CNNM4: variants seen among roughly 807,000 people sequenced by gnomAD.
CNNM4 encodes the protein cyclin and CBS domain divalent metal cation transport mediator 4.
CNNM4 carries 32 observed loss-of-function variants against 53.7 expected under a neutral mutation model. The ratio of observed to expected loss-of-function variants is 0.60; its 90% CI spans 0.45 to 0.80. CNNM4 has a LOEUF of 0.80. Ranked by LOEUF, CNNM4 falls within the 30% of genes least tolerant of loss-of-function variation. The pLI, the probability that CNNM4 is intolerant of heterozygous loss-of-function variation, is 0.00. For missense variants in CNNM4, 784 were observed against 1,022.0 expected, an observed-to-expected ratio of 0.77 and a Z score of 3.17; for synonymous variants, 410 against 440.0, an observed-to-expected ratio of 0.93 and a Z score of 0.85.
At position 96,761,033 on chromosome 2, in the gene CNNM4, G is replaced by A; in HGVS notation, c.34G>A (p.Gly12Ser). Reference sequence around the variant, plus strand: ...GGTGGGCGGGGGCGGGCGCCCGGTCGGCGGACCGGCCCGCGGGCGCCTCCT... The same window carrying A: ...GGTGGGCGGGGGCGGGCGCCCGGTCAGCGGACCGGCCCGCGGGCGCCTCCT... ...APVGGGGRPV[G>S]GPARGRLLLA... Residue 12 changes from glycine to serine, a missense_variant, in exon 1 of 7, where the codon GGC becomes AGC. By Grantham distance (56) the Gly-to-Ser change is moderately conservative. This residue lies in a region of CNNM4 where 473 missense variants were observed against 624.6 expected (regional missense o/e 0.76). Transcript: ENST00000377075. The surrounding 1 kb of genome is among the most constrained non-coding windows in gnomAD (Gnocchi z 6.0). 3 of 1,215,892 alleles carry A rather than the reference G, an allele frequency of 2.5e-6. No individual in the cohort carries two copies. Among genetic ancestry groups the A allele is most frequent in the Non-Finnish European group, 3.1e-6 (3 of 974,922 alleles). The allele number at this position is 1,215,892 out of a possible 1,614,324, so 75.3% of individuals were successfully genotyped here.
chr2:96,778,915 A>G (rs1342838118), intron 1 of CNNM4, among the ~76,000 whole-genome samples: 1 of 151,952 alleles, frequency 6.6e-6, no homozygotes, highest in Non-Finnish European at 1.5e-5. Flanking sequence ...GACCTTATCT[A>G]CTGTCTAAGT....
At position 96,760,993 on chromosome 2, in the gene CNNM4, G is replaced by A. The variant is rs1359364383; in HGVS notation, c.-7G>A. The A allele has an allele frequency of 1.8e-6, 2 of 1,126,780 alleles. No homozygotes were observed. Among genetic ancestry groups the A allele is most frequent in the Non-Finnish European group, 2.2e-6 (2 of 921,188 alleles). The allele number at this position is 1,126,780 out of a possible 1,614,324, so 69.8% of individuals were successfully genotyped here. A position where few individuals can be genotyped will look rare whatever the true frequency, so the allele number is the denominator to read the frequency against. On this transcript the variant is annotated 5_prime_UTR_variant, in exon 1 of 7. Coordinates refer to ENST00000377075, the MANE Select transcript of CNNM4 (RefSeq NM_020184.4). ...GGGAGCGGCGGCGGCGGCAGAGCCA[G>A]AGCAACATGGCGCCGGTGGGCGGGG... is the stretch of plus-strand genomic sequence containing the variant.
In CNNM4 at chr2:96,810,430, AG is replaced by A. The variant is rs1299324026; in HGVS notation, c.*916del. 2.6e-5 allele frequency: 4 copies of A among 152,568 alleles called. No individual in the cohort carries two copies. Among genetic ancestry groups the A allele is most frequent in the Non-Finnish European group, 5.9e-5 (4 of 68,078 alleles). The allele number at this position is 152,568 out of a possible 1,614,324, so 9.5% of individuals were successfully genotyped here. ...TTACCAAAGGTTCTCCCTCGGCGGG[AG>A]GGCATCTGTGTTGGAGGTGATTTGT... On this transcript the variant is annotated 3_prime_UTR_variant, in exon 7 of 7. Coordinates refer to ENST00000377075, the MANE Select transcript of CNNM4 (RefSeq NM_020184.4). This position sits in a 1 kb window ranked among gnomAD's most constrained non-coding sequence, Gnocchi z 4.1.
At chr2:96,779,317 T>A (rs1222287694) in intron 1 of CNNM4, among the ~76,000 whole-genome samples, 1 of 152,044 alleles carries the variant, frequency 6.6e-6, no homozygotes, top group Non-Finnish European at 1.5e-5. Context: ...GAGACTAGCC[T>A]GGGCAACATG....
At chr2:96,777,579 C>T (rs1006160271) in intron 1 of CNNM4, among the ~76,000 whole-genome samples, 1 of 151,982 alleles carries the variant, frequency 6.6e-6, no homozygotes, top group African/African-American at 2.4e-5. Flanking sequence ...TGGCTCACTG[C>T]AACCTCCACC....
chr2:96,762,292 C>T lies in CNNM4; in HGVS notation c.1293C>T (p.Asp431=), dbSNP rs137897277. 6 of 1,614,124 alleles carry T rather than the reference C, an allele frequency of 3.7e-6. No individual in the cohort carries two copies. Among genetic ancestry groups the T allele is most frequent in the Middle Eastern group, 3.3e-4 (2 of 6,062 alleles). Residue 431 remains aspartate (D), a synonymous_variant, in exon 1 of 7, where the codon GAC becomes GAT. Transcript: ENST00000377075. Reference sequence around the variant, plus strand: ...ACGTCAAAGACTTGGCCTTTGTGGACCCCGATGACTGCACCCCCCTCAAGA... The same window carrying T: ...ACGTCAAAGACTTGGCCTTTGTGGATCCCGATGACTGCACCCCCCTCAAGA... ...ILYVKDLAFV[D]PDDCTPLKTI... is the part of the protein sequence containing the mutation.
chr2:96,787,829 C>A (rs1324330721), intron 1 of CNNM4, among the ~76,000 whole-genome samples: 1 of 152,164 alleles, frequency 6.6e-6, no homozygotes, highest in Non-Finnish European at 1.5e-5. Flanking sequence ...CACTGTACTG[C>A]AGCCTGGGTG....
chr2:96,786,287 T>C (rs1273060150), intron 1 of CNNM4, among the ~76,000 whole-genome samples: 1 of 150,090 alleles, frequency 6.7e-6, no homozygotes, highest in East Asian at 2.0e-4. Flanking sequence ...AATGGTGGCA[T>C]GCTCCTGTAA....
Position 96,783,905 on chromosome 2 carries a change from G to A in CNNM4, c.1403-13107G>A, listed in dbSNP as rs373400059. Among the ~76,000 whole-genome samples the A allele has an allele frequency of 2.8e-4, 43 of 152,170 alleles. 1 individual carries two copies. In the South Asian group the frequency reaches 3.7e-3, roughly 13 times the overall value. On this transcript the variant is annotated intron_variant, in intron 1 of 6. Transcript: ENST00000377075. ...GAATGTAAAGAATTTAAAAAGCAGC[G>A]TACAAAACAATATATGTGATCCAAT...
chr2:96,810,451 A>T lies in CNNM4; in HGVS notation c.*934A>T, dbSNP rs575534145. 6.6e-6 allele frequency: 1 copy of T among 152,644 alleles called. No individual in the cohort carries two copies. The highest frequency in any genetic ancestry group is 2.1e-4 in the South Asian group (1 of 4,824). 9.5% of individuals were successfully genotyped at this position (152,644 alleles called of 1,614,324 possible). On this transcript the variant is annotated 3_prime_UTR_variant, in exon 7 of 7. Coordinates refer to ENST00000377075, the MANE Select transcript of CNNM4 (RefSeq NM_020184.4). This position sits in a 1 kb window ranked among gnomAD's most constrained non-coding sequence, Gnocchi z 4.1. ...CGGGAGGGCATCTGTGTTGGAGGTGATTTGTCTGGGTTCTTCCTTTTGGTT... is the reference window on the plus strand; with the variant it reads ...CGGGAGGGCATCTGTGTTGGAGGTGTTTTGTCTGGGTTCTTCCTTTTGGTT...
At chr2:96,789,271 C>G (rs943600235) in intron 1 of CNNM4, among the ~76,000 whole-genome samples, 2 of 152,188 alleles carry the variant, frequency 1.3e-5, no homozygotes, top group African/African-American at 4.8e-5. Flanking sequence ...GGCTAACACC[C>G]AGGGCTAACG....
At chr2:96,802,001 G>A (rs1373065839) in intron 5 of CNNM4, among the ~76,000 whole-genome samples, 1 of 137,988 alleles carries the variant, frequency 7.2e-6, no homozygotes, top group Non-Finnish European at 1.6e-5. Flanking sequence ...ACACACCCAT[G>A]GACACACACA....
chr2:96,807,238 G>T (rs2079217474), intron 5 of CNNM4, among the ~76,000 whole-genome samples: 1 of 152,056 alleles, frequency 6.6e-6, no homozygotes, highest in African/African-American at 2.4e-5. Flanking sequence ...CTTGAACTCC[G>T]GCTCAAGCAA....
At chr2:96,768,347 G>A (rs1010433870) in intron 1 of CNNM4, among the ~76,000 whole-genome samples, 4 of 150,494 alleles carry the variant, frequency 2.7e-5, no homozygotes, top group African/African-American at 9.8e-5. Flanking sequence ...TGTGCAGGCT[G>A]TTGGGAATCA....
chr2:96,761,285 G>C lies in CNNM4; in HGVS notation c.286G>C (p.Val96Leu), dbSNP rs754378710. 2.5e-6 allele frequency: 4 copies of C among 1,614,032 alleles called. No homozygotes were observed. The highest frequency in any genetic ancestry group is 3.4e-6 in the Non-Finnish European group (4 of 1,180,026). The stretch of plus-strand genomic sequence containing the variant: ...CAGCAACCTGATCTCCTTCACCGAG[G>C]TGGACGATGCCGAGACCCTCCACAA... ...ISSNLISFTE[V>L]DDAETLHKST... is the part of the protein sequence containing the mutation. The change falls in exon 1 of 7, where the codon GTG becomes CTG. Residue 96 changes from valine to leucine, a missense_variant. By Grantham distance (32) the Val-to-Leu change is conservative. This residue lies in a region of CNNM4 where 473 missense variants were observed against 624.6 expected (regional missense o/e 0.76). Coordinates refer to ENST00000377075, the MANE Select transcript of CNNM4 (RefSeq NM_020184.4). This position sits in a 1 kb window ranked among gnomAD's most constrained non-coding sequence, Gnocchi z 6.0.
At chr2:96,802,261 A>G (rs2079166636) in intron 5 of CNNM4, among the ~76,000 whole-genome samples, 2 of 152,152 alleles carry the variant, frequency 1.3e-5, no homozygotes. Context: ...ACACATGCAC[A>G]CCCAGAGGAT....
chr2:96,761,773 A>C lies in CNNM4; in HGVS notation c.774A>C (p.Thr258=). 1.2e-6 allele frequency: 2 copies of C among 1,612,468 alleles called. No individual in the cohort carries two copies. Among genetic ancestry groups the C allele is most frequent in the East Asian group, 4.5e-5 (2 of 44,856 alleles). The change falls in exon 1 of 7, where the codon ACA becomes ACC. Residue 258 remains threonine, a synonymous_variant. Coordinates refer to ENST00000377075, the MANE Select transcript of CNNM4 (RefSeq NM_020184.4). This position sits in a 1 kb window ranked among gnomAD's most constrained non-coding sequence, Gnocchi z 6.0. ...ACGTGCTGGTCAACACCTCCCTCAC[A>C]ATCCTTCTAGACAACCTCATCGGGT... ...LGNVLVNTSL[T]ILLDNLIGSG...
chr2:96,787,268 C>T (rs188852962), intron 1 of CNNM4, among the ~76,000 whole-genome samples: 7 of 152,272 alleles, frequency 4.6e-5, no homozygotes, highest in African/African-American at 1.2e-4. Flanking sequence ...GAACTTCCAA[C>T]GGTGGGTAGT....
At chr2:96,769,679 C>T (rs545503443) in intron 1 of CNNM4, among the ~76,000 whole-genome samples, 177 of 152,092 alleles carry the variant, frequency 1.2e-3, no homozygotes, top group Non-Finnish European at 2.2e-3. Context: ...CAAGGGGGCA[C>T]GCTATTCGGG....
Sources: gnomAD v4.1 joint callset for allele counts (sites outside exome capture counted in the v4.1 genomes callset) on GRCh38, gnomAD v4.1.1 for gene constraint, gnomAD v4.1.1 regional missense constraint, Gnocchi (gnomAD v3.1) non-coding constraint, MANE v1.5 for transcripts, NCBI Gene and HGNC (gene_info 2026-07-23, HGNC 2026-07-21) for gene names.